The following GLIS3 variants were observed in gnomAD, a reference collection of about 807,000 sequenced individuals.
GLIS3 encodes the protein zinc finger protein GLIS3.
Under a neutral mutation model 78.6 loss-of-function variants are expected in GLIS3, and 53 were observed. That is an observed-to-expected ratio of 0.67 (90% CI 0.54 to 0.85). The LOEUF (loss-of-function observed/expected upper bound fraction) is 0.85. GLIS3 is among the 40% of genes least tolerant of loss of function. GLIS3 has a pLI of 0.00. For missense variants in GLIS3, 1,703 were observed against 1,231.1 expected, an observed-to-expected ratio of 1.38 and a Z score of -5.74; for synonymous variants, 684 against 509.9, an observed-to-expected ratio of 1.34 and a Z score of -4.60.
rs745463459 is a variant in GLIS3, at chr9:4,263,427, AT to A, written c.388+22610del. ...AACAGAGAAAGAAGATGCCAGGTGT[AT>A]GTTTTATTGATAATCATATAATTTT... On this transcript the variant is annotated intron_variant, in intron 2 of 10. Transcript: ENST00000381971. Among the ~76,000 whole-genome samples the A allele has an allele frequency of 3.9e-5, 6 of 152,296 alleles. No homozygotes were observed. In the East Asian group the frequency reaches 1.2e-3, roughly 29 times the overall value.
intron 4 of GLIS3, among the ~76,000 whole-genome samples, chr9:4,019,625 A>G (rs1822710531): frequency 6.6e-6 from 1 of 152,260 alleles, no homozygotes; most frequent in South Asian, 2.1e-4. Flanking sequence ...AGCATGCTAC[A>G]CACAGATAAG....
At chr9:4,409,979 G>A in the GLIS3 span, among the ~76,000 whole-genome samples, 1 of 152,052 alleles carries the variant, frequency 6.6e-6, no homozygotes, top group African/African-American at 2.4e-5. Context: ...AGGTCTGTAT[G>A]GGTTTCTTTG....
the GLIS3 span, among the ~76,000 whole-genome samples, chr9:4,402,253 A>G: frequency 6.6e-6 from 1 of 152,184 alleles, no homozygotes; most frequent in Non-Finnish European, 1.5e-5. Flanking sequence ...CTCATCCAAG[A>G]CCACCAAGGT....
In GLIS3 at chr9:4,299,921, G is replaced by A. The variant is rs1372570020; in HGVS notation, c.-599C>T. 6.6e-6 allele frequency: 1 copy of A among 152,102 alleles called. No individual in the cohort carries two copies. The highest frequency in any genetic ancestry group is 2.4e-5 in the African/African-American group (1 of 41,406). The allele number at this position is 152,102 out of a possible 1,614,324, so 9.4% of individuals were successfully genotyped here. A position where few individuals can be genotyped will look rare whatever the true frequency, so the allele number is the denominator to read the frequency against. On this transcript the variant is annotated 5_prime_UTR_variant, in exon 1 of 11. Coordinates refer to ENST00000381971, the MANE Select transcript of GLIS3 (RefSeq NM_001042413.2). ...GACGGCGTACAGGGGGTCCCGGGAGGGGCAGTGGCCGCGGCACTCGCCGCC... is the reference window on the plus strand; with the variant it reads ...GACGGCGTACAGGGGGTCCCGGGAGAGGCAGTGGCCGCGGCACTCGCCGCC...
intron 8 of GLIS3, among the ~76,000 whole-genome samples, chr9:3,856,437 G>C (rs1054127597): frequency 6.6e-6 from 1 of 152,144 alleles, no homozygotes; most frequent in African/African-American, 2.4e-5. Context: ...CACAGTTTGG[G>C]TTTCTCAAGA....
intron 4 of GLIS3, among the ~76,000 whole-genome samples, chr9:3,980,918 C>A (rs951766193): frequency 6.6e-6 from 1 of 152,134 alleles, no homozygotes; most frequent in African/African-American, 2.4e-5. Flanking sequence ...TTTCAATGAG[C>A]GTTCTGTATT....
chr9:4,358,467 G>A, the GLIS3 span, among the ~76,000 whole-genome samples: 1 of 152,194 alleles, frequency 6.6e-6, no homozygotes, highest in Non-Finnish European at 1.5e-5. Flanking sequence ...TTTGCTGGTA[G>A]TATAATTGGT....
At chr9:4,408,860 A>G in the GLIS3 span, among the ~76,000 whole-genome samples, 1 of 152,102 alleles carries the variant, frequency 6.6e-6, no homozygotes, top group Non-Finnish European at 1.5e-5. Flanking sequence ...ATTGTTTGTA[A>G]CATGGGATAA....
chr9:3,907,256 T>A (rs1465463000), intron 6 of GLIS3, among the ~76,000 whole-genome samples: 1 of 152,222 alleles, frequency 6.6e-6, no homozygotes, highest in Middle Eastern at 3.4e-3. Flanking sequence ...CTTTTAAAAC[T>A]CCACAGCAGC....
intron 8 of GLIS3, among the ~76,000 whole-genome samples, chr9:3,868,995 T>C (rs1338378147): frequency 6.6e-6 from 1 of 152,158 alleles, no homozygotes. Context: ...TTCATAATAC[T>C]CTAAACTATG....
chr9:4,423,078 C>A, the GLIS3 span, among the ~76,000 whole-genome samples: 1 of 152,036 alleles, frequency 6.6e-6, no homozygotes, highest in Non-Finnish European at 1.5e-5. Context: ...TGAGTATATG[C>A]CTCCATAGGT....
chr9:4,139,785 T>C (rs568539457), intron 2 of GLIS3, among the ~76,000 whole-genome samples: 1 of 152,286 alleles, frequency 6.6e-6, no homozygotes, highest in East Asian at 1.9e-4. Context: ...CACAGTTCAC[T>C]ATGGGGTTTC....
At chr9:4,426,283 T>A in the GLIS3 span, among the ~76,000 whole-genome samples, 7 of 152,244 alleles carry the variant, frequency 4.6e-5, no homozygotes, top group Admixed American at 4.6e-4. Flanking sequence ...ACTGTTTTTA[T>A]GACCAACAGT....
chr9:4,282,564 C>T (rs530736556), intron 2 of GLIS3, among the ~76,000 whole-genome samples: 1 of 152,186 alleles, frequency 6.6e-6, no homozygotes, highest in Non-Finnish European at 1.5e-5. Flanking sequence ...GATCTTGAGC[C>T]TGGCAGCCTT....
chr9:3,843,933 A>G (rs918538317), intron 9 of GLIS3, among the ~76,000 whole-genome samples: 10 of 152,214 alleles, frequency 6.6e-5, no homozygotes, highest in African/African-American at 1.9e-4. Flanking sequence ...TTTTATTTCA[A>G]TAGACTTACA....
the GLIS3 span, among the ~76,000 whole-genome samples, chr9:4,367,407 G>A: frequency 6.6e-6 from 1 of 151,926 alleles, no homozygotes; most frequent in Non-Finnish European, 1.5e-5. Flanking sequence ...TCACCTTCCG[G>A]AGGCCTTCCT....
At chr9:4,072,663 T>A (rs934072852) in intron 4 of GLIS3, among the ~76,000 whole-genome samples, 2 of 152,132 alleles carry the variant, frequency 1.3e-5, no homozygotes, top group African/African-American at 4.8e-5. Flanking sequence ...TAGCCAAGCA[T>A]GAACTTTTTT....
At chr9:3,893,959 C>G (rs529517025) in intron 7 of GLIS3, among the ~76,000 whole-genome samples, 1 of 152,292 alleles carries the variant, frequency 6.6e-6, no homozygotes, top group African/African-American at 2.4e-5. Flanking sequence ...AAGCTTGCTC[C>G]TGACCTCACT....
intron 4 of GLIS3, among the ~76,000 whole-genome samples, chr9:4,024,481 C>G (rs552390955): frequency 6.6e-5 from 10 of 152,228 alleles, no homozygotes; most frequent in Admixed American, 5.9e-4. Context: ...TGGGGCTGCT[C>G]CATGTGGCCA....
Sources: gnomAD v4.1 joint callset for allele counts (sites outside exome capture counted in the v4.1 genomes callset) on GRCh38, gnomAD v4.1.1 for gene constraint, MANE v1.5 for transcripts, NCBI Gene and HGNC (gene_info 2026-07-23, HGNC 2026-07-21) for gene names.